TDRD12: variants seen among roughly 807,000 people sequenced by gnomAD.
TDRD12 encodes the protein tudor domain containing 12, also known as putative ATP-dependent RNA helicase TDRD12.
A neutral mutation model predicts 133.5 loss-of-function variants in TDRD12; 158 were observed. The ratio of observed to expected loss-of-function variants is 1.18; its 90% CI spans 1.04 to 1.35. The LOEUF (loss-of-function observed/expected upper bound fraction) is 1.35. Among genes scored for constraint, TDRD12 ranks in the 40% most tolerant of loss-of-function variants. TDRD12 has a pLI of 0.00. For missense variants in TDRD12, 1,443 were observed against 1,321.3 expected, an observed-to-expected ratio of 1.09 and a Z score of -1.43; for synonymous variants, 460 against 477.9, an observed-to-expected ratio of 0.96 and a Z score of 0.49.
intron 4 of TDRD12, among the ~76,000 whole-genome samples, chr19:32,745,478 G>A (rs897524093): frequency 1.3e-5 from 2 of 152,112 alleles, no homozygotes; most frequent in Non-Finnish European, 1.5e-5. Context: ...CCATCATTGG[G>A]GTATGGAAAG....
chr19:32,789,468 C>T (rs1023989382), intron 11 of TDRD12, among the ~76,000 whole-genome samples: 17 of 152,202 alleles, frequency 1.1e-4, no homozygotes, highest in Admixed American at 3.9e-4. Context: ...TGTCTGCTTT[C>T]AGTCTCTATG....
intron 3 of TDRD12, among the ~76,000 whole-genome samples, chr19:32,742,538 A>G (rs547324611): frequency 1.3e-5 from 2 of 152,206 alleles, no homozygotes; most frequent in Admixed American, 1.3e-4. Flanking sequence ...TACACTATCT[A>G]TGTGCCATAT....
chr19:32,798,382 T>G (rs1373169510), exon 16 of TDRD12: 1 of 1,535,872 alleles, frequency 6.5e-7, no homozygotes, highest in African/African-American at 1.4e-5. Flanking sequence ...CCTCAGGCTC[T>G]GCCACCTGAT....
At chr19:32,821,471 C>T (rs548796379), downstream of TDRD12, among the ~76,000 whole-genome samples, 1 of 151,892 alleles carries the variant, frequency 6.6e-6, no homozygotes, top group African/African-American at 2.4e-5. Flanking sequence ...AGTCTCCTGT[C>T]CGGAACCCTC....
At chr19:32,729,759 G>A (rs1446732185) in intron 1 of TDRD12, among the ~76,000 whole-genome samples, 1 of 144,910 alleles carries the variant, frequency 6.9e-6, no homozygotes, top group Non-Finnish European at 1.5e-5. Flanking sequence ...TCACTTTCTG[G>A]TGACTACTTT....
At chr19:32,755,808 C>T (rs1249141170) in intron 6 of TDRD12, among the ~76,000 whole-genome samples, 184 bp from the exon 7 acceptor site, 6 of 152,212 alleles carry the variant, frequency 3.9e-5, no homozygotes, top group African/African-American at 1.2e-4. Flanking sequence ...GCTGTTTTTC[C>T]TCATCAGGAT....
chr19:32,752,441 A>G (rs964451289), intron 6 of TDRD12, among the ~76,000 whole-genome samples: 1 of 152,060 alleles, frequency 6.6e-6, no homozygotes, highest in Non-Finnish European at 1.5e-5. Flanking sequence ...TGGCCTCCCA[A>G]AGTGCTGGGA....
At chr19:32,746,228 G>A (rs1271543907) in intron 4 of TDRD12, among the ~76,000 whole-genome samples, 1 of 151,128 alleles carries the variant, frequency 6.6e-6, no homozygotes, top group Non-Finnish European at 1.5e-5. Context: ...GAGAGAGAGA[G>A]AGTCTGGCTG....
intron 11 of TDRD12, among the ~76,000 whole-genome samples, chr19:32,777,572 T>C (rs1448832498): frequency 2.0e-5 from 3 of 152,020 alleles, no homozygotes; most frequent in African/African-American, 7.2e-5. Context: ...TTTCCAGTTC[T>C]CTGAGGCAAC....
rs1373099869 is a variant in TDRD12 at position 32,789,672 on chromosome 19, A to G, written c.1122-859A>G. The stretch of plus-strand genomic sequence containing the variant: ...ATTTCATGTACCCATTCATCAGCTG[A>G]TAACAGTTGGATCTTGTGGCTTTTG... On this transcript the variant is annotated intron_variant, in intron 11 of 27. Transcript: ENST00000444215. Among the ~76,000 whole-genome samples the G allele has an allele frequency of 6.6e-5, 10 of 152,198 alleles. No homozygotes were observed. The East Asian group carries it at 1.9e-3, about 29-fold the overall frequency.
In TDRD12 at chr19:32,807,267, T is replaced by TAAAAAA. The variant is rs59421213; in HGVS notation, c.2553-258_2553-253dup. 5.2e-3 allele frequency among the ~76,000 whole-genome samples: 247 copies of TAAAAAA among 47,166 alleles called. 8 individuals are homozygous for TAAAAAA. Among genetic ancestry groups the TAAAAAA allele is most frequent in the Non-Finnish European group, 5.9e-3 (176 of 29,624 alleles). The allele number at this position is 47,166 out of a possible 152,430, so 30.9% of individuals were successfully genotyped here. A position where few individuals can be genotyped will look rare whatever the true frequency, so the allele number is the denominator to read the frequency against. On this transcript the variant is annotated intron_variant, in intron 21 of 27. Transcript: ENST00000444215. ...GGGCAACAGAGTGAGACCAAACTCT[T>TAAAAAA]AAAAAAAAAAAAAAAAAAAAAAAAA...
exon 23 of TDRD12, chr19:32,810,218 T>C: frequency 1.3e-6 from 2 of 1,535,778 alleles, no homozygotes; most frequent in South Asian, 1.2e-5. Context: ...ATAAAACAAC[T>C]GTGGAAAAGG....
intron 11 of TDRD12, among the ~76,000 whole-genome samples, chr19:32,779,612 T>G (rs1408960153): frequency 4.6e-5 from 7 of 151,890 alleles, no homozygotes; most frequent in African/African-American, 1.7e-4. Context: ...GAGAAACTGC[T>G]CTGTTTTGCT....
intron 19 of TDRD12, 72 bp from the exon 20 acceptor site, chr19:32,802,584 C>A (rs1039796740): frequency 6.7e-7 from 1 of 1,485,598 alleles, no homozygotes; most frequent in Admixed American, 2.1e-5. Flanking sequence ...GCAGTGTGGC[C>A]GTGGGAACTG....
At chr19:32,820,978 C>T in intron 27 of TDRD12, 55 bp from the exon 28 acceptor site, 1 of 1,413,586 alleles carries the variant, frequency 7.1e-7, no homozygotes. Context: ...CTTCCTCTTC[C>T]ACTTGGGCAG....
At chr19:32,809,763 C>T (rs1852728308) in intron 22 of TDRD12, among the ~76,000 whole-genome samples, 1 of 152,184 alleles carries the variant, frequency 6.6e-6, no homozygotes, top group Admixed American at 6.5e-5. Context: ...TTTCAAGAGA[C>T]AGCAGTGCTA....
intron 24 of TDRD12, among the ~76,000 whole-genome samples, chr19:32,812,046 C>T (rs966938080): frequency 9.2e-5 from 14 of 152,214 alleles, no homozygotes; most frequent in African/African-American, 9.7e-5. Context: ...GTCATTTCCT[C>T]TGGGCTTCGT....
Position 32,773,597 on chromosome 19 carries a change from C to A in TDRD12, c.1040+65C>A, listed in dbSNP as rs189642057. The A allele has an allele frequency of 4.2e-3, 5,962 of 1,428,586 alleles. 26 individuals carry two copies. The highest frequency in any genetic ancestry group is 4.3e-3 in the Non-Finnish European group (4,450 of 1,036,802). The allele number at this position is 1,428,586 out of a possible 1,614,324, so 88.5% of individuals were successfully genotyped here. On this transcript the variant is annotated intron_variant, in intron 10 of 27. Coordinates refer to ENST00000444215, the Ensembl canonical transcript of TDRD12. ...CCTGTAGTCCCAGCTACTGGGGAGG[C>A]TGAGCTGGGGGGATCGCTTAAGCCC...
intron 11 of TDRD12, among the ~76,000 whole-genome samples, chr19:32,777,845 ATATATATATATATTTTTTTTTTTTTTT>A (rs1970644733): frequency 7.5e-4 from 11 of 14,582 alleles, no homozygotes; most frequent in East Asian, 1.9e-3. Flanking sequence ...ATATATATAT[ATATATATATATATTTTTTTTTTTTTTT>A]TTTTTTTTTT....
Sources: allele counts gnomAD v4.1 joint callset (sites outside exome capture counted in the v4.1 genomes callset), GRCh38; gene constraint gnomAD v4.1.1; transcripts MANE v1.5; gene names NCBI Gene and HGNC (gene_info 2026-07-23, HGNC 2026-07-21).